RAI14: variants seen among roughly 807,000 people sequenced by gnomAD.
The protein encoded by RAI14 is retinoic acid induced 14, also known as ankycorbin.
Under a neutral mutation model 115.4 loss-of-function variants are expected in RAI14, and 45 were observed. The observed-to-expected ratio is 0.39, with a 90% CI of 0.31 to 0.50. RAI14 has a LOEUF of 0.50. RAI14 is among the 20% of genes least tolerant of loss of function. RAI14 has a pLI of 0.85. For synonymous variants in RAI14, 371 were observed against 415.4 expected, an observed-to-expected ratio of 0.89 and a Z score of 1.30; for missense variants, 939 against 1,131.2, an observed-to-expected ratio of 0.83 and a Z score of 2.44.
intron 2 of RAI14, among the ~76,000 whole-genome samples, chr5:34,708,297 C>G (rs1249374661): frequency 1.3e-5 from 2 of 151,712 alleles, no homozygotes; most frequent in Non-Finnish European, 2.9e-5. Context: ...CTGCCTCCCG[C>G]GTTCAAGCGA....
In RAI14 at chr5:34,665,198, T is replaced by TATATATATATACACAC. The variant is rs369742853; in HGVS notation, c.-49+8724_-49+8725insTATATATATACACACA. On this transcript the variant is annotated intron_variant, in intron 1 of 17. Coordinates refer to ENST00000265109, the MANE Select transcript of RAI14 (RefSeq NM_015577.3). The stretch of plus-strand genomic sequence containing the variant: ...ACACACATATATATATGTATATATA[T>TATATATATATACACAC]ACACACACCACAGTTTCTTTATCCA... Among the ~76,000 whole-genome samples, 63 of 75,710 alleles carry TATATATATATACACAC rather than the reference T, an allele frequency of 8.3e-4. 13 individuals carry two copies. The highest frequency in any genetic ancestry group is 1.6e-3 in the African/African-American group (33 of 20,178). The allele number at this position is 75,710 out of a possible 152,430, so 49.7% of individuals were successfully genotyped here.
intron 12 of RAI14, 92 bp from the exon 13 acceptor site, chr5:34,818,705 T>C: frequency 9.7e-7 from 1 of 1,026,810 alleles, no homozygotes; most frequent in Non-Finnish European, 1.5e-6. Context: ...CCAGATCTGC[T>C]CTGCGTAAGC....
chr5:34,741,900 T>C (rs1243131602), intron 2 of RAI14, among the ~76,000 whole-genome samples: 1 of 152,190 alleles, frequency 6.6e-6, no homozygotes, highest in Non-Finnish European at 1.5e-5. Flanking sequence ...TCAGAACCTC[T>C]TCCATGGTTT....
chr5:34,814,455 A>AT (rs1398279928), intron 11 of RAI14, 128 bp from the exon 12 acceptor site: 1 of 663,682 alleles, frequency 1.5e-6, no homozygotes, highest in African/African-American at 1.8e-5. Flanking sequence ...CCGTGAATTA[A>AT]TTGATGCCAA....
chr5:34,780,155 A>T lies in RAI14; in HGVS notation c.168-15784A>T, dbSNP rs575999305. ...CCCTATTTAATAAATGGTGCTGGGAAAACTGGCTAGCCATATGTAGAAAGC... is the reference window on the plus strand; with the variant it reads ...CCCTATTTAATAAATGGTGCTGGGATAACTGGCTAGCCATATGTAGAAAGC... On this transcript the variant is annotated intron_variant, in intron 3 of 17. Coordinates refer to ENST00000265109, the MANE Select transcript of RAI14 (RefSeq NM_015577.3). Among the ~76,000 whole-genome samples, 951 of 152,348 alleles carry T rather than the reference A, an allele frequency of 6.2e-3. 5 individuals are homozygous for T. The highest frequency in any genetic ancestry group is 1.0e-2 in the Non-Finnish European group (679 of 68,028).
rs118097819 is a variant in RAI14 at position 34,692,896 on chromosome 5, C to G, written c.36+5941C>G. Among the ~76,000 whole-genome samples the G allele has an allele frequency of 5.3e-3, 806 of 152,254 alleles. 20 individuals carry two copies. In the East Asian group the frequency reaches 0.072, roughly 14 times the overall value. On this transcript the variant is annotated intron_variant, in intron 2 of 17. Transcript: ENST00000265109. ...GTTTGGGAGGCTAGAAGCCCAAGAT[C>G]CAGGTACTGGCACGGTTGGTTCCTT...
intron 2 of RAI14, among the ~76,000 whole-genome samples, chr5:34,742,637 GTTTGCTGTTTTTTGTTTTTTTTGT>G (rs1054819794): frequency 1.3e-5 from 2 of 152,010 alleles, no homozygotes; most frequent in African/African-American, 4.8e-5. Context: ...CACTACTGCA[GTTTGCTGTTTTTTGTTTTTTTTGT>G]TTTGTTTTGT....
chr5:34,701,807 A>T (rs1453306195), intron 2 of RAI14, among the ~76,000 whole-genome samples: 3 of 144,814 alleles, frequency 2.1e-5, no homozygotes, highest in Non-Finnish European at 4.5e-5. Flanking sequence ...ACAGAATTTG[A>T]CTCTCCCTTT....
chr5:34,709,304 T>C (rs1324112766), intron 2 of RAI14, among the ~76,000 whole-genome samples: 1 of 152,010 alleles, frequency 6.6e-6, no homozygotes, highest in East Asian at 1.9e-4. Flanking sequence ...AAAAATTAGC[T>C]GGGCATGGTG....
intron 2 of RAI14, among the ~76,000 whole-genome samples, chr5:34,752,701 ATATGTGTG>A (rs1365490158): frequency 0.015 from 1,350 of 90,100 alleles, 142 homozygotes; most frequent in African/African-American, 0.042. Flanking sequence ...TTTCTTACAT[ATATGTGTG>A]TGTGTGTGTG....
intron 3 of RAI14, among the ~76,000 whole-genome samples, chr5:34,794,008 TAC>T (rs1371494127): frequency 1.3e-5 from 2 of 152,220 alleles, no homozygotes; most frequent in African/African-American, 4.8e-5. Flanking sequence ...ATAAAAGACT[TAC>T]TGCTTAAAGG....
intron 4 of RAI14, among the ~76,000 whole-genome samples, chr5:34,799,646 T>C (rs1025743723): frequency 4.6e-5 from 7 of 152,078 alleles, no homozygotes; most frequent in African/African-American, 1.7e-4. Flanking sequence ...TTTTAAACTT[T>C]TGACTGAATT....
At chr5:34,805,877 G>A (rs1366921640) in intron 5 of RAI14, among the ~76,000 whole-genome samples, 1 of 151,880 alleles carries the variant, frequency 6.6e-6, no homozygotes, top group Non-Finnish European at 1.5e-5. Context: ...AAACAAATGA[G>A]CTCTCTCCCT....
intron 7 of RAI14, among the ~76,000 whole-genome samples, chr5:34,809,639 G>T (rs1481775824): frequency 6.6e-6 from 1 of 151,162 alleles, no homozygotes; most frequent in Non-Finnish European, 1.5e-5. Flanking sequence ...TGGGAAGAAG[G>T]TTAATTAGCT....
intron 3 of RAI14, among the ~76,000 whole-genome samples, chr5:34,795,486 C>T (rs142672035): frequency 3.5e-4 from 53 of 152,298 alleles, no homozygotes; most frequent in African/African-American, 1.3e-3. Context: ...GAACCTTGGC[C>T]ACTGTTTGAC....
intron 2 of RAI14, among the ~76,000 whole-genome samples, chr5:34,720,695 C>T (rs954966270): frequency 6.6e-6 from 1 of 151,996 alleles, no homozygotes; most frequent in Non-Finnish European, 1.5e-5. Flanking sequence ...CAGGCGTGAG[C>T]CACCGCGCCC....
chr5:34,713,742 CTATGGG>C (rs1314799675), intron 2 of RAI14, among the ~76,000 whole-genome samples: 4 of 151,764 alleles, frequency 2.6e-5, no homozygotes, highest in Non-Finnish European at 4.4e-5. Flanking sequence ...GCTTCATTGT[CTATGGG>C]TGTAATTTCC....
chr5:34,664,541 A>G (rs1211690755), intron 1 of RAI14, among the ~76,000 whole-genome samples: 1 of 151,942 alleles, frequency 6.6e-6, no homozygotes, highest in Non-Finnish European at 1.5e-5. Context: ...AATTTTTCAT[A>G]TCCATTTTAG....
chr5:34,768,239 A>G (rs773503343), intron 3 of RAI14, among the ~76,000 whole-genome samples: 5 of 145,162 alleles, frequency 3.4e-5, no homozygotes, highest in African/African-American at 5.1e-5. Flanking sequence ...CTGCCCTAGC[A>G]GAGGTTCTCC....
Sources: allele counts gnomAD v4.1 joint callset (sites outside exome capture counted in the v4.1 genomes callset), GRCh38; gene constraint gnomAD v4.1.1; transcripts MANE v1.5; gene names NCBI Gene and HGNC (gene_info 2026-07-23, HGNC 2026-07-21).